Variants in C3orf20 observed in about 807,000 individuals in gnomAD.
The protein encoded by C3orf20 is family with sequence similarity 149 member C, also known as uncharacterized protein C3orf20.
C3orf20 carries 76 observed loss-of-function variants against 88.3 expected under a neutral mutation model. The ratio of observed to expected loss-of-function variants is 0.86; its 90% confidence interval spans 0.72 to 1.04. The LOEUF is 1.04. Ranked by LOEUF, C3orf20 falls within the 50% of genes least tolerant of loss-of-function variation. The pLI, the probability that C3orf20 is intolerant of heterozygous loss-of-function variation, is 0.00. For missense variants in C3orf20, 1,056 were observed against 1,123.3 expected (o/e 0.94, Z 0.86); for synonymous variants, 436 against 437.4 (o/e 1.00, Z 0.04).
chr3:14,770,573 A>T (rs1268655408), intron 15 of C3orf20, among the ~76,000 whole-genome samples: 1 of 152,104 alleles, frequency 6.6e-6, no homozygotes, highest in Non-Finnish European at 1.5e-5. Context: ...TCCTGTCCCC[A>T]GCCCAGCCTT....
At position 14,701,639 on chromosome 3, in the gene C3orf20, G is replaced by A. The variant is rs2124930972; in HGVS notation, c.746-1491G>A. 6.6e-6 allele frequency among the ~76,000 whole-genome samples: 1 copy of A among 152,320 alleles called. No homozygotes were observed. Among genetic ancestry groups the A allele is most frequent in the Non-Finnish European group, 1.5e-5 (1 of 68,018 alleles). ...GGTCTGCAGAGACTCAGATGACAGT[G>A]ATCTGTGCCTATGGCACTTGGGCTC... is the stretch of plus-strand genomic sequence containing the variant. On this transcript the variant is annotated intron_variant, in intron 5 of 16. Coordinates refer to ENST00000253697, the MANE Select transcript of C3orf20 (RefSeq NM_032137.5). The surrounding 1 kb of genome is among the most constrained non-coding windows in gnomAD (Gnocchi z 4.6).
chr3:14,742,776 G>GCT (rs1053063256), intron 12 of C3orf20, among the ~76,000 whole-genome samples: 2 of 152,132 alleles, frequency 1.3e-5, no homozygotes, highest in Non-Finnish European at 2.9e-5. Flanking sequence ...GAGGCTAAAG[G>GCT]CTCTTCTTAT....
Position 14,684,511 on chromosome 3 carries a change from G to C in C3orf20, c.625+129G>C, listed in dbSNP as rs2032293161. 6.3e-6 allele frequency: 8 copies of C among 1,264,616 alleles called. No individual in the cohort carries two copies. The South Asian group carries it at 1.1e-4, about 17-fold the overall frequency. The allele number at this position is 1,264,616 out of a possible 1,614,324, so 78.3% of individuals were successfully genotyped here. On this transcript the variant is annotated intron_variant, in intron 4 of 16. Coordinates refer to ENST00000253697, the MANE Select transcript of C3orf20 (RefSeq NM_032137.5). ...AATTGAGGTGGATGTGGAGCAACAG[G>C]GATTTTCAAATGCTACAGGTGAGTG...
intron 5 of C3orf20, among the ~76,000 whole-genome samples, chr3:14,700,430 CTT>C (rs1288174578): frequency 1.3e-5 from 2 of 152,160 alleles, no homozygotes; most frequent in Non-Finnish European, 2.9e-5. Flanking sequence ...ACCAATTAAA[CTT>C]TATCATAGGT....
chr3:14,696,503 G>T (rs2033010544), intron 5 of C3orf20, among the ~76,000 whole-genome samples: 1 of 151,678 alleles, frequency 6.6e-6, no homozygotes, highest in Non-Finnish European at 1.5e-5. Flanking sequence ...CAAGCCTCCT[G>T]CCTCAGCCTC....
At chr3:14,755,743 T>C (rs1008047670) in intron 12 of C3orf20, among the ~76,000 whole-genome samples, 1 of 152,092 alleles carries the variant, frequency 6.6e-6, no homozygotes, top group Non-Finnish European at 1.5e-5. Flanking sequence ...CAATAAGAGT[T>C]TCTGGGCTGG....
At position 14,728,684 on chromosome 3, in the gene C3orf20, T is replaced by A. The variant is rs2034443723; in HGVS notation, c.1936T>A (p.Ser646Thr). The change falls in exon 12 of 17, where the codon TCC becomes ACC. Residue 646 changes from serine to threonine, a missense_variant. By Grantham distance (58) the Ser-to-Thr change is moderately conservative (BLOSUM62 1). Transcript: ENST00000253697. Reference sequence around the variant, plus strand: ...AATCCACACCAAAGCCAAGGTCACATCCAGGTTGGCTTGGTCCTTCACGTC... The same window carrying A: ...AATCCACACCAAAGCCAAGGTCACAACCAGGTTGGCTTGGTCCTTCACGTC... ...TKIHTKAKVT[S>T]RGKAREGRSP... 1 of 1,613,198 alleles carries A rather than the reference T, an allele frequency of 6.2e-7. No individual in the cohort carries two copies. The highest frequency in any genetic ancestry group is 8.5e-7 in the Non-Finnish European group (1 of 1,179,978).
rs780784573 is a variant in C3orf20 at position 14,683,128 on chromosome 3, CA to C, written c.416del (p.Gln139ArgfsTer7). The part of the protein sequence containing the change: ...THQETLNRFQ[Q>X]QSIHLLTELL... ...CCAGGAGACCCTGAACAGGTTTCAG[CA>C]GCAGTCCATCCACCTGCTGACGGAG... is the stretch of plus-strand genomic sequence containing the variant. On this transcript the variant is annotated frameshift_variant, in exon 3 of 17. Transcript: ENST00000253697. LOFTEE classifies it high-confidence loss of function. 4 of 1,614,026 alleles carry C rather than the reference CA, an allele frequency of 2.5e-6. No individual in the cohort carries two copies. The highest frequency in any genetic ancestry group is 3.4e-6 in the Non-Finnish European group (4 of 1,179,942).
At chr3:14,703,320 C>A in intron 6 of C3orf20, 58 bp downstream of exon 6, 1 of 1,608,082 alleles carries the variant, frequency 6.2e-7, no homozygotes, top group Admixed American at 1.7e-5. Context: ...GCCTGGCCCC[C>A]AGCTGGGAGT....
chr3:14,676,121 T>C (rs1381656679), intron 1 of C3orf20, among the ~76,000 whole-genome samples: 1 of 148,264 alleles, frequency 6.7e-6, no homozygotes, highest in Non-Finnish European at 1.5e-5. Context: ...CCCGCCTTTT[T>C]TTTTTTGGTC....
At position 14,772,998 on chromosome 3, in the gene C3orf20, G is replaced by A; in HGVS notation, c.*123G>A. Reference sequence around the variant, plus strand: ...TCCAAGCTTCTATAATAAACCAGCGGGCCTCCAGCATTGGGGTGAGGCTCT... The same window carrying A: ...TCCAAGCTTCTATAATAAACCAGCGAGCCTCCAGCATTGGGGTGAGGCTCT... On this transcript the variant is annotated 3_prime_UTR_variant, in exon 17 of 17. Coordinates refer to ENST00000253697, the MANE Select transcript of C3orf20 (RefSeq NM_032137.5). This position sits in a 1 kb window ranked among gnomAD's most constrained non-coding sequence, Gnocchi z 4.2. 1 of 729,224 alleles carries A rather than the reference G, an allele frequency of 1.4e-6. No homozygotes were observed. 45.2% of individuals were successfully genotyped at this position (729,224 alleles called of 1,614,324 possible).
intron 12 of C3orf20, among the ~76,000 whole-genome samples, chr3:14,749,692 A>G (rs1186826155): frequency 1.0e-5 from 1 of 97,918 alleles, no homozygotes; most frequent in African/African-American, 5.0e-5. Context: ...TTTTACGTTT[A>G]ATTGATTTTT....
At chr3:14,719,125 GT>G (rs35504025) in intron 9 of C3orf20, among the ~76,000 whole-genome samples, 33,830 of 133,074 alleles carry the variant, frequency 0.25, 3,664 homozygotes, top group South Asian at 0.38. Context: ...TTGGGTCATT[GT>G]TTTTTTTTTT....
intron 9 of C3orf20, 65 bp from the exon 10 acceptor site, chr3:14,721,588 G>A: frequency 6.3e-7 from 1 of 1,591,546 alleles, no homozygotes; most frequent in Non-Finnish European, 8.6e-7. Flanking sequence ...TTCGTGGTGG[G>A]TCAGGAAGGG....
intron 12 of C3orf20, among the ~76,000 whole-genome samples, chr3:14,740,238 A>T (rs2034862057): frequency 1.3e-5 from 2 of 152,188 alleles, no homozygotes; most frequent in Non-Finnish European, 1.5e-5. Context: ...ATCATTGTAG[A>T]GTTACTATAG....
chr3:14,736,296 CT>C lies in C3orf20; in HGVS notation c.1940+7620del, dbSNP rs35624221. Among the ~76,000 whole-genome samples, 528 of 147,366 alleles carry C rather than the reference CT, an allele frequency of 3.6e-3. 27 individuals carry two copies. In the East Asian group the frequency reaches 0.095, roughly 26 times the overall value. ...TTTGCCTGAATATGTTTTTATTTCA[CT>C]TTTTTTTTTTTGAGACAGAGTCTTG... On this transcript the variant is annotated intron_variant, in intron 12 of 16. Transcript: ENST00000253697.
intron 12 of C3orf20, among the ~76,000 whole-genome samples, chr3:14,742,705 A>G (rs963671934): frequency 6.6e-6 from 1 of 152,208 alleles, no homozygotes; most frequent in African/African-American, 2.4e-5. Context: ...ACTGGGAACA[A>G]AAAAAGGTTT....
chr3:14,757,998 G>C (rs35399358), intron 13 of C3orf20, among the ~76,000 whole-genome samples: 46,366 of 152,052 alleles, frequency 0.3, 7,985 homozygotes, highest in Middle Eastern at 0.44. Flanking sequence ...TGAATATTTA[G>C]AGCACGGGCA....
At chr3:14,715,935 T>G (rs2033924057) in intron 9 of C3orf20, among the ~76,000 whole-genome samples, 1 of 152,028 alleles carries the variant, frequency 6.6e-6, no homozygotes. Flanking sequence ...ATTTATTAAA[T>G]AACAAATAAT....
Sources: gnomAD v4.1 joint callset for allele counts (sites outside exome capture counted in the v4.1 genomes callset) on GRCh38, gnomAD v4.1.1 for gene constraint, Gnocchi (gnomAD v3.1) non-coding constraint, MANE v1.5 for transcripts, NCBI Gene and HGNC (gene_info 2026-07-23, HGNC 2026-07-21) for gene names.